The following PTPRR variants were observed in gnomAD, a reference collection of about 807,000 sequenced individuals.
The protein encoded by PTPRR is receptor-type tyrosine-protein phosphatase R.
A neutral mutation model predicts 77.2 loss-of-function variants in PTPRR; 38 were observed. The observed-to-expected ratio is 0.49, with a 90% confidence interval of 0.38 to 0.65. The LOEUF (loss-of-function observed/expected upper bound fraction) is 0.65, where lower values mean the gene tolerates loss of function less well. PTPRR is among the 30% of genes least tolerant of loss of function. The pLI, the probability that PTPRR is intolerant of heterozygous loss-of-function variation, is 0.00. For missense variants in PTPRR, 744 were observed against 799.2 expected, an observed-to-expected ratio of 0.93 and a Z score of 0.83; for synonymous variants, 299 against 283.1, an observed-to-expected ratio of 1.06 and a Z score of -0.57.
chr12:70,727,591 G>T (rs1258374129), intron 6 of PTPRR, among the ~76,000 whole-genome samples: 2 of 152,108 alleles, frequency 1.3e-5, no homozygotes, highest in African/African-American at 4.8e-5. Flanking sequence ...AGAAAGAATT[G>T]AAAATTTTAT....
intron 2 of PTPRR, among the ~76,000 whole-genome samples, chr12:70,767,062 G>A (rs1002815259): frequency 2.4e-4 from 37 of 152,008 alleles, no homozygotes; most frequent in African/African-American, 7.7e-4. Flanking sequence ...GCAAAATCAC[G>A]CCAAAATGTA....
At chr12:70,652,828 A>G (rs899976262) in intron 13 of PTPRR, among the ~76,000 whole-genome samples, 4 of 152,146 alleles carry the variant, frequency 2.6e-5, no homozygotes, top group African/African-American at 9.7e-5. Context: ...AATTTGTTAG[A>G]CCTGAAAGGG....
intron 2 of PTPRR, among the ~76,000 whole-genome samples, chr12:70,810,371 T>G (rs1320758102): frequency 6.9e-6 from 1 of 145,958 alleles, no homozygotes; most frequent in African/African-American, 2.7e-5. Flanking sequence ...GGTAGTAATA[T>G]TAAAAACACT....
chr12:70,691,773 T>C (rs1888064260), intron 8 of PTPRR, among the ~76,000 whole-genome samples: 1 of 152,088 alleles, frequency 6.6e-6, no homozygotes, highest in East Asian at 1.9e-4. Context: ...TACGCTGGGG[T>C]CTGTCTTGCC....
chr12:70,672,306 C>T (rs77166304), intron 10 of PTPRR: 63,304 of 1,582,584 alleles, frequency 0.04, 1,475 homozygotes, highest in Non-Finnish European at 0.044. Context: ...CCCACGGAAC[C>T]GATCAACTTC....
intron 12 of PTPRR, among the ~76,000 whole-genome samples, chr12:70,658,370 C>T (rs149790707): frequency 2.0e-4 from 31 of 152,298 alleles, no homozygotes; most frequent in African/African-American, 7.5e-4. Context: ...CTATTTCTCA[C>T]ATTTGGCACT....
intron 1 of PTPRR, among the ~76,000 whole-genome samples, chr12:70,894,775 C>G (rs906350837): frequency 6.6e-6 from 1 of 151,602 alleles, no homozygotes; most frequent in Non-Finnish European, 1.5e-5. Flanking sequence ...ATTTCCAAAT[C>G]CGAGGAACTC....
intron 6 of PTPRR, among the ~76,000 whole-genome samples, chr12:70,714,461 T>A (rs1312992629): frequency 6.6e-6 from 1 of 152,176 alleles, no homozygotes; most frequent in Non-Finnish European, 1.5e-5. Context: ...AATTGGATCA[T>A]AAAATTTCAT....
At chr12:70,770,204 C>T (rs1890936976) in intron 2 of PTPRR, among the ~76,000 whole-genome samples, 1 of 148,772 alleles carries the variant, frequency 6.7e-6, no homozygotes, top group Non-Finnish European at 1.5e-5. Flanking sequence ...AAAGAAACTA[C>T]CATCAGAGTG....
At chr12:70,765,504 CG>C (rs1197385892) in intron 2 of PTPRR, among the ~76,000 whole-genome samples, 4 of 152,146 alleles carry the variant, frequency 2.6e-5, no homozygotes, top group Non-Finnish European at 4.4e-5. Context: ...ACAAAGCAGC[CG>C]GGAAGCTCCA....
chr12:70,723,107 G>A (rs935502470), intron 6 of PTPRR, among the ~76,000 whole-genome samples: 3 of 152,164 alleles, frequency 2.0e-5, no homozygotes, highest in Non-Finnish European at 4.4e-5. Flanking sequence ...AAAATATGAT[G>A]GGTGGAGCAT....
chr12:70,690,565 A>C (rs1888020912), intron 8 of PTPRR, among the ~76,000 whole-genome samples: 1 of 152,224 alleles, frequency 6.6e-6, no homozygotes. Flanking sequence ...TGATTAGTTC[A>C]GTCTGGATAG....
At chr12:70,778,914 C>T (rs1299233781) in intron 2 of PTPRR, among the ~76,000 whole-genome samples, 7 of 152,180 alleles carry the variant, frequency 4.6e-5, no homozygotes, top group African/African-American at 1.2e-4. Context: ...GGCACGATCT[C>T]AGCTCACTGC....
chr12:70,745,011 G>T (rs1286884582), intron 6 of PTPRR, among the ~76,000 whole-genome samples: 2 of 152,136 alleles, frequency 1.3e-5, no homozygotes, highest in African/African-American at 4.8e-5. Flanking sequence ...TTGGTATAAA[G>T]TGAATCACAT....
chr12:70,725,973 G>C (rs1393165698), intron 6 of PTPRR, among the ~76,000 whole-genome samples: 1 of 151,926 alleles, frequency 6.6e-6, no homozygotes, highest in Non-Finnish European at 1.5e-5. Flanking sequence ...TAAAATCATT[G>C]TCAATACTAT....
At chr12:70,841,007 C>T (rs1260142705) in intron 2 of PTPRR, among the ~76,000 whole-genome samples, 5 of 135,894 alleles carry the variant, frequency 3.7e-5, no homozygotes, top group Non-Finnish European at 4.6e-5. Flanking sequence ...GGGCTTATCT[C>T]GGAGATAAAA....
intron 6 of PTPRR, among the ~76,000 whole-genome samples, chr12:70,706,020 A>G: frequency 6.9e-6 from 1 of 144,166 alleles, no homozygotes; most frequent in Non-Finnish European, 1.5e-5. Flanking sequence ...ACTCTACTTA[A>G]ACAGAATGAA....
At chr12:70,880,769 T>C (rs1201914117) in intron 2 of PTPRR, among the ~76,000 whole-genome samples, 1 of 152,162 alleles carries the variant, frequency 6.6e-6, no homozygotes, top group African/African-American at 2.4e-5. Flanking sequence ...CCATTGTCCT[T>C]GCTTATTTCT....
chr12:70,666,935 G>GGTTTT (rs1887021966), intron 10 of PTPRR, among the ~76,000 whole-genome samples: 1 of 29,050 alleles, frequency 3.4e-5, no homozygotes, highest in Non-Finnish European at 9.2e-5. Context: ...GTGTTTTTCT[G>GGTTTT]TTTTTTTTTT....
Sources: allele counts gnomAD v4.1 joint callset (sites outside exome capture counted in the v4.1 genomes callset), GRCh38; gene constraint gnomAD v4.1.1; transcripts MANE v1.5; gene names NCBI Gene and HGNC (gene_info 2026-07-23, HGNC 2026-07-21).